Variants in KANSL1 observed in about 807,000 individuals in gnomAD.
KANSL1 encodes the protein MLL1/MLL complex subunit KANSL1.
KANSL1 carries 22 observed loss-of-function variants against 103.6 expected under a neutral mutation model. The observed-to-expected ratio is 0.21, with a 90% CI of 0.15 to 0.30. The LOEUF (loss-of-function observed/expected upper bound fraction) is 0.30. Among genes scored for constraint, KANSL1 ranks in the 10% least tolerant of loss-of-function variants. The pLI, the probability that KANSL1 is intolerant of heterozygous loss-of-function variation, is 1.00. For synonymous variants in KANSL1, 600 were observed against 527.6 expected (o/e 1.14, Z -1.88); for missense variants, 1,337 against 1,399.8 (o/e 0.96, Z 0.72).
chr17:46,123,331 C>T lies in KANSL1; in HGVS notation c.1290-28630G>A, dbSNP rs545615218. On this transcript the variant is annotated intron_variant, in intron 2 of 14. Coordinates refer to ENST00000432791, the MANE Select transcript of KANSL1 (RefSeq NM_015443.4). The stretch of plus-strand genomic sequence containing the variant: ...GGCAGAGGTTGCAGTGAGCCAAGAT[C>T]GTGCCACCACACTCCAGCCTGGGCG... 2.6e-4 allele frequency among the ~76,000 whole-genome samples: 40 copies of T among 152,244 alleles called. No individual in the cohort carries two copies. In the East Asian group the frequency reaches 4.1e-3, roughly 15 times the overall value.
At chr17:46,071,552 T>C (rs986909832) in intron 4 of KANSL1, among the ~76,000 whole-genome samples, 1 of 152,214 alleles carries the variant, frequency 6.6e-6, no homozygotes, top group African/African-American at 2.4e-5. Context: ...ACATTTCCTA[T>C]CCTGCAGTCT....
rs146694362 is a variant in KANSL1, at chr17:46,096,384, A to T, written c.1290-1683T>A. On this transcript the variant is annotated intron_variant, in intron 2 of 14. Transcript: ENST00000432791. ...GCCCAGGCTGGAGTGCAATGGCGCAATCTTGGCTCACCACCAACCTTCGCC... is the reference window on the plus strand; with the variant it reads ...GCCCAGGCTGGAGTGCAATGGCGCATTCTTGGCTCACCACCAACCTTCGCC... Among the ~76,000 whole-genome samples, 487 of 142,504 alleles carry T rather than the reference A, an allele frequency of 3.4e-3. 2 individuals carry two copies. The highest frequency in any genetic ancestry group is 0.013 in the African/African-American group (474 of 36,818). The allele number at this position is 142,504 out of a possible 152,430, so 93.5% of individuals were successfully genotyped here. A position where few individuals can be genotyped will look rare whatever the true frequency, so the allele number is the denominator to read the frequency against.
intron 2 of KANSL1, among the ~76,000 whole-genome samples, chr17:46,159,547 C>T (rs2045622907): frequency 6.6e-6 from 1 of 152,222 alleles, no homozygotes; most frequent in African/African-American, 2.4e-5. Context: ...GGATAGTCCT[C>T]AACTATTCTT....
At chr17:46,108,455 C>A (rs1323566614) in intron 2 of KANSL1, among the ~76,000 whole-genome samples, 1 of 152,246 alleles carries the variant, frequency 6.6e-6, no homozygotes, top group African/African-American at 2.4e-5. Flanking sequence ...ACCCCCTACA[C>A]ACCTTTCTTT....
chr17:46,054,210 G>A (rs555468092), intron 6 of KANSL1, among the ~76,000 whole-genome samples: 4 of 152,198 alleles, frequency 2.6e-5, no homozygotes, highest in East Asian at 1.9e-4. Flanking sequence ...GCACCACCAC[G>A]CCCAGCTAAT....
chr17:46,185,968 G>C (rs1361495086), intron 1 of KANSL1, among the ~76,000 whole-genome samples: 1 of 148,390 alleles, frequency 6.7e-6, no homozygotes, highest in Non-Finnish European at 1.5e-5. Context: ...GCTGACAAAA[G>C]ACAGAGGAAA....
chr17:46,066,432 T>C (rs2078377901), intron 6 of KANSL1, 105 bp downstream of exon 6: 1 of 979,744 alleles, frequency 1.0e-6, no homozygotes, highest in African/African-American at 1.6e-5. Flanking sequence ...CCAGAAGACC[T>C]TGGTGGTTAG....
At chr17:46,158,246 T>A (rs1194142819) in intron 2 of KANSL1, among the ~76,000 whole-genome samples, 1 of 152,246 alleles carries the variant, frequency 6.6e-6, no homozygotes, top group Non-Finnish European at 1.5e-5. Context: ...TGGGAAATAA[T>A]GAAAGCATTT....
chr17:46,094,415 A>T, intron 3 of KANSL1, 145 bp downstream of exon 3: 1 of 1,019,282 alleles, frequency 9.8e-7, no homozygotes, highest in Non-Finnish European at 1.4e-6. Flanking sequence ...TTCTTAAATT[A>T]AACCACTATA....
At chr17:46,040,136 G>A (rs1373248171) in intron 7 of KANSL1, 1 of 425,022 alleles carries the variant, frequency 2.4e-6, no homozygotes, top group Non-Finnish European at 4.1e-6. Flanking sequence ...TTGGTTGATG[G>A]AGTTTTTGTT....
At chr17:46,081,627 T>C (rs1039935060) in intron 4 of KANSL1, among the ~76,000 whole-genome samples, 2 of 152,246 alleles carry the variant, frequency 1.3e-5, no homozygotes, top group African/African-American at 4.8e-5. Flanking sequence ...CACCACATCA[T>C]GCGTTCCTGC....
In KANSL1 at chr17:46,033,116, C is replaced by A. The variant is rs1470562852; in HGVS notation, c.2801G>T (p.Trp934Leu). ...CEEMERARWL[W>L]TTSVPPQRRG... is the part of the protein sequence containing the mutation. ...CCGCTGGGGTGGCACACTCGTGGTCCACAGCCACCGTGCCCTCTCCATCTC... is the reference window on the plus strand; with the variant it reads ...CCGCTGGGGTGGCACACTCGTGGTCAACAGCCACCGTGCCCTCTCCATCTC... The change falls in exon 13 of 15, where the codon TGG becomes TTG. Residue 934 changes from tryptophan (W) to leucine (L), a missense_variant. By Grantham distance (61) the Trp-to-Leu change is moderately conservative. Coordinates refer to ENST00000432791, the MANE Select transcript of KANSL1 (RefSeq NM_015443.4). The A allele has an allele frequency of 6.2e-7, 1 of 1,600,846 alleles. No individual in the cohort carries two copies. The highest frequency in any genetic ancestry group is 1.7e-5 in the Admixed American group (1 of 58,764).
At chr17:46,066,104 C>T (rs11079731) in intron 6 of KANSL1, among the ~76,000 whole-genome samples, 16,500 of 152,168 alleles carry the variant, frequency 0.11, 1,245 homozygotes, top group Non-Finnish European at 0.16. Flanking sequence ...GCAATCCTCC[C>T]GCCTTGGCCT....
Position 46,206,575 on chromosome 17 carries a change from A to C in KANSL1, c.-90+17096T>G, listed in dbSNP as rs2047976843. Reference sequence around the variant, plus strand: ...ACCCCCATCTCTACAAGAAACAAACAATGGTCTTTTCAACAAACCATGCTG... The same window carrying C: ...ACCCCCATCTCTACAAGAAACAAACCATGGTCTTTTCAACAAACCATGCTG... On this transcript the variant is annotated intron_variant, in intron 1 of 14. Coordinates refer to the KANSL1 transcript ENST00000572904. Among the ~76,000 whole-genome samples, 4 of 152,354 alleles carry C rather than the reference A, an allele frequency of 2.6e-5. No homozygotes were observed. In the South Asian group the frequency reaches 8.3e-4, roughly 32 times the overall value.
At chr17:46,066,859 A>G in intron 5 of KANSL1, 127 bp from the exon 6 acceptor site, 2 of 666,956 alleles carry the variant, frequency 3.0e-6, no homozygotes, top group Non-Finnish European at 5.0e-6. Context: ...GTTCAGACAC[A>G]AAGAAGCATT....
intron 7 of KANSL1, chr17:46,041,221 A>G (rs1413826960): frequency 1.3e-5 from 2 of 152,246 alleles, no homozygotes; most frequent in Non-Finnish European, 2.9e-5. Context: ...TTCTATAGAC[A>G]TAAGTACATC....
intron 1 of KANSL1, among the ~76,000 whole-genome samples, chr17:46,201,285 T>C (rs1037362707): frequency 6.6e-6 from 1 of 152,186 alleles, no homozygotes; most frequent in Non-Finnish European, 1.5e-5. Context: ...AACATACAGC[T>C]ACAAACGGGG....
At chr17:46,046,076 A>T (rs911784043) in intron 7 of KANSL1, 7 of 152,296 alleles carry the variant, frequency 4.6e-5, no homozygotes, top group African/African-American at 1.4e-4. Context: ...TCCTCTTAAT[A>T]ATCTGTCTGG....
At chr17:46,097,702 C>T (rs1351792642) in intron 2 of KANSL1, among the ~76,000 whole-genome samples, 2 of 152,228 alleles carry the variant, frequency 1.3e-5, no homozygotes, top group Non-Finnish European at 2.9e-5. Flanking sequence ...AAAGCAGCAG[C>T]AGTCACACAG....
Sources: allele counts gnomAD v4.1 joint callset (sites outside exome capture counted in the v4.1 genomes callset), GRCh38; gene constraint gnomAD v4.1.1; transcripts MANE v1.5; gene names NCBI Gene and HGNC (gene_info 2026-07-23, HGNC 2026-07-21).